The following NF1 variants were observed in gnomAD, a reference collection of about 807,000 sequenced individuals.
NF1 encodes neurofibromin 1.
Under a neutral mutation model 325.7 loss-of-function variants are expected in NF1, and 122 were observed. The observed-to-expected ratio is 0.37, with a 90% CI of 0.32 to 0.44. The LOEUF is 0.44. NF1 is among the 20% of genes least tolerant of loss of function. NF1 has a pLI of 1.00. For missense variants in NF1, 2,140 were observed against 3,415.4 expected (o/e 0.63, Z 9.31); for synonymous variants, 1,091 against 1,186.0 (o/e 0.92, Z 1.65).
chr17:31,309,253 G>A (rs2151514672), intron 36 of NF1, among the ~76,000 whole-genome samples: 1 of 152,218 alleles, frequency 6.6e-6, no homozygotes, highest in African/African-American at 2.4e-5. Context: ...TATATATTAG[G>A]AGCACAGTAA....
chr17:31,279,270 A>G (rs1567871516), intron 36 of NF1, among the ~76,000 whole-genome samples: 1 of 152,206 alleles, frequency 6.6e-6, no homozygotes, highest in Non-Finnish European at 1.5e-5. Context: ...TTGTTTTGAA[A>G]TGAATTTATG....
intron 54 of NF1, 168 bp downstream of exon 54, chr17:31,357,537 A>G: frequency 1.6e-6 from 1 of 635,290 alleles, no homozygotes; most frequent in Admixed American, 2.7e-5. Flanking sequence ...TTGACCTACT[A>G]GATCTATTAG....
intron 4 of NF1, among the ~76,000 whole-genome samples, chr17:31,168,754 G>C (rs1463888434): frequency 6.6e-6 from 1 of 152,072 alleles, no homozygotes; most frequent in Non-Finnish European, 1.5e-5. Context: ...GGATTTCGAT[G>C]TTATCAGCAT....
At chr17:31,231,974 G>A in intron 24 of NF1, 99 bp from the exon 25 acceptor site, 1 of 717,354 alleles carries the variant, frequency 1.4e-6, no homozygotes, top group Non-Finnish European at 2.4e-6. Flanking sequence ...AGTTCCTAAG[G>A]TTTATATCTG....
chr17:31,298,939 A>G (rs957225763), intron 36 of NF1, among the ~76,000 whole-genome samples: 1 of 152,072 alleles, frequency 6.6e-6, no homozygotes, highest in East Asian at 1.9e-4. Flanking sequence ...ATTACACTTA[A>G]CAGTACTTTT....
At chr17:31,271,221 C>T (rs769831951) in intron 36 of NF1, among the ~76,000 whole-genome samples, 4 of 152,142 alleles carry the variant, frequency 2.6e-5, no homozygotes, top group Non-Finnish European at 5.9e-5. Context: ...CGATTCCAGG[C>T]ATCTGATTTA....
intron 29 of NF1, 80 bp from the exon 30 acceptor site, chr17:31,248,904 A>G (rs374770594): frequency 2.1e-6 from 3 of 1,415,976 alleles, no homozygotes; most frequent in Non-Finnish European, 2.0e-6. Context: ...TAATGTCTGT[A>G]TAAGAGTCTC....
At chr17:31,179,762 G>A (rs531928127) in intron 5 of NF1, among the ~76,000 whole-genome samples, 29 of 151,122 alleles carry the variant, frequency 1.9e-4, no homozygotes, top group Middle Eastern at 6.8e-3. Context: ...CAACCTGGGC[G>A]ACAGAGCAAG....
intron 1 of NF1, among the ~76,000 whole-genome samples, chr17:31,153,865 C>T (rs953303771): frequency 1.3e-5 from 2 of 151,318 alleles, no homozygotes; most frequent in African/African-American, 2.4e-5. Context: ...CCTCCTGCCT[C>T]AGCCTCTCAA....
Position 31,181,801 on chromosome 17 carries a change from A to ATTT in NF1, c.730+30_730+32dup, listed in dbSNP as rs71142032. On this transcript the variant is annotated intron_variant, in intron 7 of 57. Transcript: ENST00000358273. ...GATATGGCTGGTAAGGATACGATTG[A>ATTT]TTTTTTTTTTTTTTTTGTCTTTTAA... 2,060 of 1,217,036 alleles carry ATTT rather than the reference A, an allele frequency of 1.7e-3. No individual in the cohort carries two copies. Among genetic ancestry groups the ATTT allele is most frequent in the South Asian group, 4.1e-3 (301 of 72,656 alleles). 75.4% of individuals were successfully genotyped at this position (1,217,036 alleles called of 1,614,324 possible). A position where few individuals can be genotyped will look rare whatever the true frequency, so the allele number is the denominator to read the frequency against.
At chr17:31,198,024 G>C (rs2066465265) in intron 8 of NF1, among the ~76,000 whole-genome samples, 1 of 152,054 alleles carries the variant, frequency 6.6e-6, no homozygotes, top group Non-Finnish European at 1.5e-5. Flanking sequence ...GTTGAACTTT[G>C]TCAAGTGGTT....
Position 31,276,866 on chromosome 17 carries a change from G to A in NF1, c.4835+11527G>A, listed in dbSNP as rs139413171. ...CAATCGACCCTTGAACAACACTGGG[G>A]TTAGGGGCACTGAATCTCCACGCAA... On this transcript the variant is annotated intron_variant, in intron 36 of 57. Coordinates refer to ENST00000358273, the MANE Select transcript of NF1 (RefSeq NM_001042492.3). 2.6e-5 allele frequency among the ~76,000 whole-genome samples: 4 copies of A among 152,270 alleles called. No individual in the cohort carries two copies. The East Asian group carries it at 7.7e-4, about 29-fold the overall frequency.
intron 36 of NF1, among the ~76,000 whole-genome samples, chr17:31,269,903 C>T (rs1228847080): frequency 6.6e-6 from 1 of 152,164 alleles, no homozygotes; most frequent in Non-Finnish European, 1.5e-5. Flanking sequence ...TGTGCCCCTT[C>T]CTGGAATGCA....
chr17:31,252,865 A>G, intron 30 of NF1, 73 bp from the exon 31 acceptor site: 2 of 1,222,324 alleles, frequency 1.6e-6, no homozygotes, highest in Non-Finnish European at 2.4e-6. Context: ...AATTTTATGT[A>G]CAAGCCAACA....
intron 36 of NF1, among the ~76,000 whole-genome samples, chr17:31,311,287 C>T (rs2068869255): frequency 6.6e-6 from 1 of 151,728 alleles, no homozygotes. Context: ...TGCATAAGTA[C>T]TTAAAGGGTC....
At chr17:31,207,584 C>T (rs1423759932) in intron 12 of NF1, among the ~76,000 whole-genome samples, 1 of 152,044 alleles carries the variant, frequency 6.6e-6, no homozygotes, top group African/African-American at 2.4e-5. Flanking sequence ...AATGATGTTT[C>T]CTTAAGTAAA....
chr17:31,171,595 T>C (rs1162658068), intron 5 of NF1, among the ~76,000 whole-genome samples: 2 of 152,240 alleles, frequency 1.3e-5, no homozygotes, highest in Non-Finnish European at 2.9e-5. Flanking sequence ...TAAATGACTT[T>C]CTTTTATACT....
intron 36 of NF1, chr17:31,303,801 T>G (rs1235641620): frequency 6.6e-6 from 1 of 152,580 alleles, no homozygotes; most frequent in Non-Finnish European, 1.5e-5. Context: ...TAATCTCCCA[T>G]TCCCACAAAC....
intron 1 of NF1, among the ~76,000 whole-genome samples, chr17:31,134,098 C>T (rs1019618322): frequency 4.6e-5 from 7 of 152,216 alleles, no homozygotes; most frequent in Admixed American, 2.6e-4. Context: ...ACTGCATCTT[C>T]GAACTCTTGG....
Sources: allele counts gnomAD v4.1 joint callset (sites outside exome capture counted in the v4.1 genomes callset), GRCh38; gene constraint gnomAD v4.1.1; transcripts MANE v1.5; gene names NCBI Gene and HGNC (gene_info 2026-07-23, HGNC 2026-07-21).